The following TMCC1 variants were observed in gnomAD, a reference collection of about 807,000 sequenced individuals.
TMCC1 encodes transmembrane and coiled-coil domains protein 1.
A neutral mutation model predicts 52.4 loss-of-function variants in TMCC1; 15 were observed. That is an observed-to-expected ratio of 0.29 (90% CI 0.19 to 0.44). The LOEUF is 0.44. Among genes scored for constraint, TMCC1 ranks in the 20% least tolerant of loss-of-function variants. The probability of loss-of-function intolerance (pLI) is 1.00; values close to 1 mark genes in which losing one functional copy is unlikely to be tolerated. For missense variants in TMCC1, 503 were observed against 806.0 expected (o/e 0.62, Z 4.55); for synonymous variants, 279 against 301.9 (o/e 0.92, Z 0.79).
intron 5 of TMCC1, among the ~76,000 whole-genome samples, chr3:129,668,992 T>C (rs918208466): frequency 2.0e-5 from 3 of 152,238 alleles, no homozygotes; most frequent in African/African-American, 7.2e-5. Context: ...TAGAACTTTA[T>C]TTCTCCCTCC....
intron 2 of TMCC1, among the ~76,000 whole-genome samples, chr3:129,879,057 TTCCCCTCA>T (rs1487483405): frequency 2.0e-5 from 3 of 152,208 alleles, no homozygotes; most frequent in Non-Finnish European, 4.4e-5. Flanking sequence ...ACTCAACCCC[TTCCCCTCA>T]ATACATTCTA....
At chr3:129,833,214 A>G (rs2059000818) in intron 2 of TMCC1, among the ~76,000 whole-genome samples, 1 of 152,196 alleles carries the variant, frequency 6.6e-6, no homozygotes, top group African/African-American at 2.4e-5. Context: ...CCACAATTTT[A>G]TAAGTAAAAT....
intron 4 of TMCC1, among the ~76,000 whole-genome samples, chr3:129,702,329 G>A: frequency 6.6e-6 from 1 of 151,396 alleles, no homozygotes; most frequent in Middle Eastern, 3.4e-3. Flanking sequence ...AAGAAAAAAA[G>A]AATCTCTGGT....
chr3:129,747,563 C>T (rs1300662299), intron 4 of TMCC1, among the ~76,000 whole-genome samples: 3 of 152,180 alleles, frequency 2.0e-5, no homozygotes, highest in African/African-American at 7.2e-5. Context: ...TTGGAACTCT[C>T]TTATTACTAT....
Position 129,651,711 on chromosome 3 carries a change from C to T in TMCC1, c.1732G>A (p.Glu578Lys). The change falls in exon 7 of 7, where the codon GAG becomes AAG. Residue 578 changes from glutamate (E) to lysine (K), a missense_variant. Glu to Lys is a moderately conservative substitution (Grantham distance 56). This residue lies in a region of TMCC1 where 121 missense variants were observed against 193.6 expected (regional missense o/e 0.62). Transcript: ENST00000393238. The surrounding 1 kb of genome is among the most constrained non-coding windows in gnomAD (Gnocchi z 5.1). ...AGAAGGTTCCGGGCAGTGGCATTCT[C>T]CAGCCCTTCTAGCTGCACCACCTGC... The part of the protein sequence containing the change: ...QQQVVQLEGL[E>K]NATARNLLGK... 1 of 1,614,212 alleles carries T rather than the reference C, an allele frequency of 6.2e-7. No individual in the cohort carries two copies. Among genetic ancestry groups the T allele is most frequent in the Non-Finnish European group, 8.5e-7 (1 of 1,180,036 alleles).
chr3:129,806,598 T>C (rs1259016968), intron 4 of TMCC1, among the ~76,000 whole-genome samples: 2 of 152,198 alleles, frequency 1.3e-5, no homozygotes, highest in African/African-American at 2.4e-5. Context: ...AAGGAAGCCA[T>C]GGTTAACCAG....
intron 5 of TMCC1, among the ~76,000 whole-genome samples, chr3:129,660,877 C>T (rs969781683): frequency 2.0e-5 from 3 of 152,206 alleles, no homozygotes; most frequent in Non-Finnish European, 4.4e-5. Context: ...CTCCTGGGCT[C>T]AAGTGATCCT....
At position 129,773,637 on chromosome 3, in the gene TMCC1, A is replaced by T. The variant is rs990392648; in HGVS notation, c.576+54166T>A. ...TTAACAACACAGACAGAATTATTTCAAGTTACTTTAAAAAATATTTTTACC... is the reference window on the plus strand; with the variant it reads ...TTAACAACACAGACAGAATTATTTCTAGTTACTTTAAAAAATATTTTTACC... On this transcript the variant is annotated intron_variant, in intron 4 of 6. Coordinates refer to ENST00000393238, the MANE Select transcript of TMCC1 (RefSeq NM_001017395.5). 3.5e-4 allele frequency among the ~76,000 whole-genome samples: 53 copies of T among 152,238 alleles called. 1 individual carries two copies. The highest frequency in any genetic ancestry group is 7.9e-4 in the Admixed American group (12 of 15,286).
chr3:129,663,213 T>C (rs1302965959), intron 5 of TMCC1, among the ~76,000 whole-genome samples: 1 of 152,092 alleles, frequency 6.6e-6, no homozygotes, highest in Admixed American at 6.6e-5. Context: ...CCTCTTTGGG[T>C]GTGGCTCAAA....
chr3:129,771,927 A>G (rs928770060), intron 4 of TMCC1, among the ~76,000 whole-genome samples: 2 of 152,168 alleles, frequency 1.3e-5, no homozygotes, highest in African/African-American at 4.8e-5. Flanking sequence ...GTTGGTTTGA[A>G]TTACATTAGT....
intron 4 of TMCC1, among the ~76,000 whole-genome samples, chr3:129,817,121 A>G (rs2058135479): frequency 6.6e-6 from 1 of 152,190 alleles, no homozygotes; most frequent in African/African-American, 2.4e-5. Flanking sequence ...AATGTATTAA[A>G]TGATCACATG....
chr3:129,820,041 G>C (rs2058339895), intron 4 of TMCC1, among the ~76,000 whole-genome samples: 1 of 150,016 alleles, frequency 6.7e-6, no homozygotes, highest in East Asian at 2.0e-4. Context: ...TTATCTAGAA[G>C]GTGTTTATGC....
chr3:129,684,847 A>T (rs1019441591), intron 4 of TMCC1, among the ~76,000 whole-genome samples: 2 of 152,202 alleles, frequency 1.3e-5, no homozygotes, highest in Admixed American at 1.3e-4. Context: ...TGGTGCTATG[A>T]GATTATGGAT....
At chr3:129,694,950 C>T (rs986999637) in intron 4 of TMCC1, among the ~76,000 whole-genome samples, 1 of 151,632 alleles carries the variant, frequency 6.6e-6, no homozygotes, top group East Asian at 1.9e-4. Context: ...GGTAACAAGA[C>T]TAACTATTTT....
At chr3:129,786,259 G>C (rs1173807865) in intron 4 of TMCC1, among the ~76,000 whole-genome samples, 1 of 152,026 alleles carries the variant, frequency 6.6e-6, no homozygotes, top group Non-Finnish European at 1.5e-5. Flanking sequence ...CTCCTTAAAA[G>C]GAACAGATAC....
intron 5 of TMCC1, among the ~76,000 whole-genome samples, chr3:129,663,604 A>C (rs1160355056): frequency 6.6e-6 from 1 of 152,200 alleles, no homozygotes; most frequent in East Asian, 1.9e-4. Context: ...CCTTCAGCTG[A>C]AAAGGGAAAA....
intron 4 of TMCC1, among the ~76,000 whole-genome samples, chr3:129,730,050 T>C (rs1212401021): frequency 1.3e-5 from 2 of 152,090 alleles, no homozygotes; most frequent in Non-Finnish European, 2.9e-5. Flanking sequence ...AATAACAGAA[T>C]AGTTGTACAG....
rs937281897 is a variant in TMCC1, at chr3:129,766,691, G to A, written c.576+61112C>T. 4.0e-5 allele frequency among the ~76,000 whole-genome samples: 6 copies of A among 151,872 alleles called. No homozygotes were observed. The South Asian group carries it at 6.3e-4, about 16-fold the overall frequency. On this transcript the variant is annotated intron_variant, in intron 4 of 6. Transcript: ENST00000393238. ...GCTGGAGTGTAGCAGCACAATCTCC[G>A]CTCACTGCAGCCTACCCCCTGGGCT...
chr3:129,798,104 TCC>T (rs1021381757), intron 4 of TMCC1, among the ~76,000 whole-genome samples: 1 of 151,296 alleles, frequency 6.6e-6, no homozygotes, highest in Non-Finnish European at 1.5e-5. Context: ...CAAGCAATTC[TCC>T]TGCCTCAGCC....
Sources: allele counts gnomAD v4.1 joint callset (sites outside exome capture counted in the v4.1 genomes callset), GRCh38; gene constraint gnomAD v4.1.1; regional missense constraint gnomAD v4.1.1; non-coding constraint Gnocchi (gnomAD v3.1); transcripts MANE v1.5; gene names NCBI Gene and HGNC (gene_info 2026-07-23, HGNC 2026-07-21).